FRS2: variants seen among roughly 807,000 people sequenced by gnomAD.
FRS2 encodes fibroblast growth factor receptor substrate 2, also known as FGFR signalling adaptor.
A neutral mutation model predicts 43.9 loss-of-function variants in FRS2; 8 were observed. That is an observed-to-expected ratio of 0.18 (90% CI 0.11 to 0.33). The LOEUF is 0.33. Ranked by LOEUF, FRS2 falls within the 10% of genes least tolerant of loss-of-function variation. The pLI, the probability that FRS2 is intolerant of heterozygous loss-of-function variation, is 1.00. For missense variants in FRS2, 534 were observed against 627.6 expected, an observed-to-expected ratio of 0.85 and a Z score of 1.59; for synonymous variants, 219 against 220.3, an observed-to-expected ratio of 0.99 and a Z score of 0.05.
Position 69,574,983 on chromosome 12 carries a change from C to G in FRS2, c.*28C>G. The G allele has an allele frequency of 7.0e-7, 1 of 1,422,472 alleles. No homozygotes were observed. The highest frequency in any genetic ancestry group is 9.8e-7 in the Non-Finnish European group (1 of 1,022,208). 88.1% of individuals were successfully genotyped at this position (1,422,472 alleles called of 1,614,324 possible). A position where few individuals can be genotyped will look rare whatever the true frequency, so the allele number is the denominator to read the frequency against. On this transcript the variant is annotated 3_prime_UTR_variant, in exon 9 of 9. Coordinates refer to ENST00000549921, the MANE Select transcript of FRS2 (RefSeq NM_001278356.2). Reference sequence around the variant, plus strand: ...CTGGAAAGCATTGTGTTGTTTGCACCTTTGTGAAGTTTTTAAAAATGAAGA... The same window carrying G: ...CTGGAAAGCATTGTGTTGTTTGCACGTTTGTGAAGTTTTTAAAAATGAAGA...
intron 8 of FRS2, among the ~76,000 whole-genome samples, chr12:69,573,796 A>G (rs927381891): frequency 6.6e-6 from 1 of 152,230 alleles, no homozygotes; most frequent in Non-Finnish European, 1.5e-5. Flanking sequence ...TTCTTTTATC[A>G]AATTAGGAAG....
At chr12:69,558,279 A>C (rs920668754) in intron 3 of FRS2, among the ~76,000 whole-genome samples, 1 of 152,156 alleles carries the variant, frequency 6.6e-6, no homozygotes, top group Non-Finnish European at 1.5e-5. Flanking sequence ...AAACACTATT[A>C]ATTGTTTTCT....
chr12:69,571,304 A>G lies in FRS2; in HGVS notation c.282A>G (p.Ala94=), dbSNP rs1880733075. 4.3e-6 allele frequency: 7 copies of G among 1,610,088 alleles called. No homozygotes were observed. The highest frequency in any genetic ancestry group is 5.9e-6 in the Non-Finnish European group (7 of 1,177,768). The change falls in exon 7 of 9, where the codon GCA becomes GCG. Residue 94 remains alanine (A), a synonymous_variant. Coordinates refer to ENST00000549921, the MANE Select transcript of FRS2 (RefSeq NM_001278356.2). Reference sequence around the variant, plus strand: ...TCTTTGCCTTTAAGTGTGCCCGTGCAGAAGAATTATTTAACATGTTGCAAG... The same window carrying G: ...TCTTTGCCTTTAAGTGTGCCCGTGCGGAAGAATTATTTAACATGTTGCAAG... ...QGIFAFKCAR[A]EELFNMLQEI...
At chr12:69,563,069 T>G (rs1879998509) in intron 4 of FRS2, among the ~76,000 whole-genome samples, 2 of 152,210 alleles carry the variant, frequency 1.3e-5, no homozygotes, top group Admixed American at 1.3e-4. Context: ...ATCATTTGTG[T>G]TTTTGCTGAG....
chr12:69,574,736 C>T lies in FRS2; in HGVS notation c.1308C>T (p.Tyr436=). 6.2e-7 allele frequency: 1 copy of T among 1,614,172 alleles called. No homozygotes were observed. Among genetic ancestry groups the T allele is most frequent in the African/African-American group, 1.3e-5 (1 of 75,046 alleles). Residue 436 remains tyrosine (Y), a synonymous_variant, in exon 9 of 9, where the codon TAC becomes TAT. Coordinates refer to ENST00000549921, the MANE Select transcript of FRS2 (RefSeq NM_001278356.2). The stretch of plus-strand genomic sequence containing the variant: ...GTTTAGAACACAGGCAGCTTAATTA[C>T]ATACAGGTTGACTTGGAAGGTGGCA... ...RPSLEHRQLN[Y]IQVDLEGGSD...
chr12:69,496,462 T>C (rs550309251), intron 1 of FRS2, among the ~76,000 whole-genome samples: 1 of 152,014 alleles, frequency 6.6e-6, no homozygotes, highest in Admixed American at 6.5e-5. Flanking sequence ...GCTTGTAGTC[T>C]GATGAACAAA....
rs1193561255 is a variant in FRS2 at position 69,571,389 on chromosome 12, C to A, written c.367C>A (p.His123Asn). ...VEEPVVERNN[H>N]QTELEVPRTP... ...AGAGCCAGTTGTAGAAAGAAATAAT[C>A]ATCAGACAGAATTGGAAGTCCCTAG... The change falls in exon 7 of 9, where the codon CAT becomes AAT. Residue 123 changes from histidine (H) to asparagine (N), a missense_variant. Transcript: ENST00000549921. 2 of 1,612,584 alleles carry A rather than the reference C, an allele frequency of 1.2e-6. No individual in the cohort carries two copies. The highest frequency in any genetic ancestry group is 1.1e-5 in the South Asian group (1 of 90,984).
intron 1 of FRS2, among the ~76,000 whole-genome samples, chr12:69,495,242 T>C (rs1872775392): frequency 6.6e-6 from 1 of 152,228 alleles, no homozygotes. Context: ...TAATCAGAAA[T>C]AGCATTTATA....
At chr12:69,510,283 G>A (rs1874333965) in intron 1 of FRS2, among the ~76,000 whole-genome samples, 1 of 152,144 alleles carries the variant, frequency 6.6e-6, no homozygotes, top group Non-Finnish European at 1.5e-5. Context: ...CAACTTCTCT[G>A]AGTGCCCTCG....
At chr12:69,534,111 T>A (rs7970431) in intron 3 of FRS2, among the ~76,000 whole-genome samples, 2,232 of 152,294 alleles carry the variant, frequency 0.015, 26 homozygotes, top group Non-Finnish European at 0.024. Context: ...TTAGCAGTCT[T>A]TTTGTTGTTC....
chr12:69,503,607 A>G (rs771037793), intron 1 of FRS2, among the ~76,000 whole-genome samples: 9 of 152,200 alleles, frequency 5.9e-5, no homozygotes, highest in Non-Finnish European at 1.3e-4. Context: ...GTCTATCACC[A>G]GAGACCATGA....
In FRS2 at chr12:69,524,674, G is replaced by A. The variant is rs538528327; in HGVS notation, c.-260-6191G>A. 2.6e-5 allele frequency among the ~76,000 whole-genome samples: 4 copies of A among 152,218 alleles called. No individual in the cohort carries two copies. The South Asian group carries it at 8.3e-4, about 32-fold the overall frequency. On this transcript the variant is annotated intron_variant, in intron 1 of 8. Transcript: ENST00000549921. ...TCACTAGGGCTAAAATCTCCTATGG[G>A]GGCAGGTCAATTCTAGGGGAATGGG... is the stretch of plus-strand genomic sequence containing the variant.
intron 3 of FRS2, among the ~76,000 whole-genome samples, chr12:69,555,740 C>G (rs1390410595): frequency 1.3e-5 from 2 of 152,152 alleles, no homozygotes; most frequent in Non-Finnish European, 2.9e-5. Flanking sequence ...TACCCAGATA[C>G]ACCAAGGGAT....
chr12:69,474,396 A>G (rs962949314), intron 1 of FRS2, among the ~76,000 whole-genome samples: 1 of 151,396 alleles, frequency 6.6e-6, no homozygotes, highest in Non-Finnish European at 1.5e-5. Context: ...TAAGAAGATG[A>G]AAGTGCCAAG....
intron 2 of FRS2, 133 bp from the exon 3 acceptor site, chr12:69,531,881 C>G (rs1876836369): frequency 6.6e-6 from 1 of 152,558 alleles, no homozygotes; most frequent in Non-Finnish European, 1.5e-5. Flanking sequence ...GACCAACTGT[C>G]TCTCAAGCTT....
At chr12:69,521,927 T>G (rs1875701095) in intron 1 of FRS2, among the ~76,000 whole-genome samples, 1 of 152,218 alleles carries the variant, frequency 6.6e-6, no homozygotes, top group Non-Finnish European at 1.5e-5. Flanking sequence ...TTGAGAGTTT[T>G]TAATGTGAAG....
chr12:69,544,267 A>G (rs1280700156), intron 3 of FRS2, among the ~76,000 whole-genome samples: 1 of 152,166 alleles, frequency 6.6e-6, no homozygotes, highest in Non-Finnish European at 1.5e-5. Flanking sequence ...GAATGCAGGG[A>G]TGGTTCAACA....
intron 1 of FRS2, among the ~76,000 whole-genome samples, chr12:69,507,488 A>G (rs937072084): frequency 6.6e-6 from 1 of 152,196 alleles, no homozygotes; most frequent in Non-Finnish European, 1.5e-5. Flanking sequence ...TTGTAGATCA[A>G]CAGAGCCCAT....
intron 1 of FRS2, among the ~76,000 whole-genome samples, chr12:69,514,726 A>G (rs1000438263): frequency 4.6e-5 from 7 of 152,074 alleles, no homozygotes; most frequent in African/African-American, 1.4e-4. Context: ...CCAGCTACCT[A>G]GGAGGCTGAG....
Sources: allele counts gnomAD v4.1 joint callset (sites outside exome capture counted in the v4.1 genomes callset), GRCh38; gene constraint gnomAD v4.1.1; transcripts MANE v1.5; gene names NCBI Gene and HGNC (gene_info 2026-07-23, HGNC 2026-07-21).